The following LONP2 variants were observed in gnomAD, a reference collection of about 807,000 sequenced individuals.
The protein encoded by LONP2 is lon peptidase 2, peroxisomal.
Under a neutral mutation model 85.6 loss-of-function variants are expected in LONP2, and 60 were observed. The ratio of observed to expected loss-of-function variants is 0.70; its 90% CI spans 0.57 to 0.87. The LOEUF (loss-of-function observed/expected upper bound fraction) is 0.87. LONP2 is among the 40% of genes least tolerant of loss of function. The pLI is 0.00. For synonymous variants in LONP2, 395 were observed against 389.7 expected (o/e 1.01, Z -0.16); for missense variants, 860 against 1,063.5 (o/e 0.81, Z 2.66).
chr16:48,245,209 G>A (rs181553213), intron 1 of LONP2, among the ~76,000 whole-genome samples: 135 of 151,974 alleles, frequency 8.9e-4, no homozygotes, highest in Non-Finnish European at 1.4e-3. Flanking sequence ...CTTTGTAAAG[G>A]GCCTTTACTG....
chr16:48,322,733 A>AT (rs112153697), intron 11 of LONP2, among the ~76,000 whole-genome samples: 2 of 152,056 alleles, frequency 1.3e-5, no homozygotes, highest in African/African-American at 4.8e-5. Flanking sequence ...AGAATAAAAA[A>AT]TTTTTTTTAA....
intron 1 of LONP2, among the ~76,000 whole-genome samples, chr16:48,248,315 G>A (rs1280802657): frequency 2.7e-5 from 4 of 149,236 alleles, no homozygotes; most frequent in East Asian, 2.0e-4. Context: ...TGGTGGAGAC[G>A]GGGTTTTGCC....
rs759718058 is a variant in LONP2 at position 48,258,629 on chromosome 16, T to C, written c.612T>C (p.Ala204=). Residue 204 remains alanine (A), a synonymous_variant, in exon 4 of 15, where the codon GCT becomes GCC. Transcript: ENST00000285737. ...SNKEKLQILD[A]VSLEERFKMT... Reference sequence around the variant, plus strand: ...TCACATTTCCTTAGATTTTAGATGCTGTGAGCCTAGAGGAGCGGTTCAAGA... The same window carrying C: ...TCACATTTCCTTAGATTTTAGATGCCGTGAGCCTAGAGGAGCGGTTCAAGA... The C allele has an allele frequency of 1.6e-5, 26 of 1,598,152 alleles. No homozygotes were observed. Among genetic ancestry groups the C allele is most frequent in the East Asian group, 6.8e-5 (3 of 44,190 alleles).
intron 8 of LONP2, among the ~76,000 whole-genome samples, chr16:48,280,840 C>T (rs1256577476): frequency 6.6e-6 from 1 of 152,140 alleles, no homozygotes; most frequent in African/African-American, 2.4e-5. Context: ...CATATTAAAG[C>T]ACTCTATAAA....
chr16:48,285,810 A>G (rs1212520939), intron 8 of LONP2, among the ~76,000 whole-genome samples: 1 of 152,156 alleles, frequency 6.6e-6, no homozygotes, highest in East Asian at 1.9e-4. Flanking sequence ...TAACAGAAAA[A>G]GTCCCATTTT....
chr16:48,244,402 G>T lies in LONP2; in HGVS notation c.14G>T (p.Ser5Ile). ...AAGGCTGCCAGCATGTCATCAGTGA[G>T]CCCCATCCAGATCCCCAGTCGCCTC... MSSV[S>I]PIQIPSRLPL... The change falls in exon 1 of 15, where the codon AGC becomes ATC. Residue 5 changes from serine to isoleucine, a missense_variant. This residue lies in a region of LONP2 where 743 missense variants were observed against 917.3 expected (regional missense o/e 0.81). Coordinates refer to ENST00000285737, the MANE Select transcript of LONP2 (RefSeq NM_031490.5). 1.3e-6 allele frequency: 2 copies of T among 1,567,456 alleles called. No homozygotes were observed.
chr16:48,301,561 G>C (rs1474688436), intron 10 of LONP2, among the ~76,000 whole-genome samples: 1 of 152,040 alleles, frequency 6.6e-6, no homozygotes, highest in Non-Finnish European at 1.5e-5. Context: ...CTTGAACCAG[G>C]GAGGTGGAGG....
intron 7 of LONP2, among the ~76,000 whole-genome samples, chr16:48,276,000 T>A (rs1267986528): frequency 6.6e-6 from 1 of 152,172 alleles, no homozygotes; most frequent in African/African-American, 2.4e-5. Flanking sequence ...CAGCAAAAAA[T>A]GACCCATTAG....
At chr16:48,291,804 C>T (rs759914469) in intron 8 of LONP2, among the ~76,000 whole-genome samples, 3 of 152,148 alleles carry the variant, frequency 2.0e-5, no homozygotes, top group African/African-American at 7.2e-5. Context: ...GTAGTGATTA[C>T]CAGAAATTAT....
chr16:48,273,898 A>G (rs1972153435), intron 7 of LONP2, among the ~76,000 whole-genome samples: 1 of 152,184 alleles, frequency 6.6e-6, no homozygotes. Flanking sequence ...TCAACTTTCA[A>G]ACAAGATGAG....
intron 7 of LONP2, among the ~76,000 whole-genome samples, chr16:48,270,776 T>C (rs914198244): frequency 6.6e-6 from 1 of 152,098 alleles, no homozygotes. Context: ...GCATAATTAT[T>C]AAGGCTTATT....
chr16:48,254,566 T>C (rs983009961), intron 2 of LONP2, among the ~76,000 whole-genome samples: 5 of 152,090 alleles, frequency 3.3e-5, no homozygotes, highest in Non-Finnish European at 7.4e-5. Context: ...GGTTTCACCA[T>C]GTTGGCCAGG....
At chr16:48,361,955 T>A (rs1304182008), downstream of LONP2, 2 of 1,614,148 alleles carry the variant, frequency 1.2e-6, no homozygotes, top group Non-Finnish European at 1.7e-6. Context: ...CCTCTCCCTG[T>A]AGGGTTGTAA....
chr16:48,298,626 G>GGTGTGTGTGTGTGTGTGT (rs3138605), intron 9 of LONP2, among the ~76,000 whole-genome samples: 11 of 134,396 alleles, frequency 8.2e-5, no homozygotes, highest in Non-Finnish European at 1.1e-4. Context: ...ATTTAATTGA[G>GGTGTGTGTGTGTGTGTGT]GTGTGTGTGT....
Position 48,354,552 on chromosome 16 carries a change from T to G in LONP2, c.*2750T>G, listed in dbSNP as rs1446150073. The G allele has an allele frequency of 6.6e-6, 1 of 152,292 alleles. No homozygotes were observed. The highest frequency in any genetic ancestry group is 1.5e-5 in the Non-Finnish European group (1 of 68,158). 9.4% of individuals were successfully genotyped at this position (152,292 alleles called of 1,614,324 possible). On this transcript the variant is annotated 3_prime_UTR_variant, in exon 15 of 15. Coordinates refer to ENST00000285737, the MANE Select transcript of LONP2 (RefSeq NM_031490.5). ...CCACAAACTGAAACTCTGTACCCACTGAAAAAGAGCTCCAAATTCCACCCT... is the reference window on the plus strand; with the variant it reads ...CCACAAACTGAAACTCTGTACCCACGGAAAAAGAGCTCCAAATTCCACCCT...
Position 48,278,165 on chromosome 16 carries a change from C to G in LONP2, c.1383+686C>G, listed in dbSNP as rs188875779. On this transcript the variant is annotated intron_variant, in intron 8 of 14. Transcript: ENST00000285737. Reference sequence around the variant, plus strand: ...TTTTCCTGTTCCTATTTTTGTTTTTCTCTACTTTTTAAGAATATTTTCAGA... The same window carrying G: ...TTTTCCTGTTCCTATTTTTGTTTTTGTCTACTTTTTAAGAATATTTTCAGA... Among the ~76,000 whole-genome samples the G allele has an allele frequency of 6.1e-4, 92 of 152,036 alleles. 1 individual carries two copies. Among genetic ancestry groups the G allele is most frequent in the Admixed American group, 4.8e-3 (73 of 15,270 alleles).
At chr16:48,251,161 A>G (rs913527444) in intron 1 of LONP2, among the ~76,000 whole-genome samples, 2 of 152,212 alleles carry the variant, frequency 1.3e-5, no homozygotes, top group Admixed American at 6.5e-5. Context: ...ACTGTATTAC[A>G]TGATTTATTA....
intron 11 of LONP2, among the ~76,000 whole-genome samples, chr16:48,313,027 T>C (rs1973067522): frequency 1.3e-5 from 2 of 152,164 alleles, no homozygotes; most frequent in South Asian, 4.1e-4. Context: ...GCCTCATACA[T>C]TGTTTCAAGA....
chr16:48,306,789 C>T (rs1306950648), intron 11 of LONP2, among the ~76,000 whole-genome samples: 1 of 151,956 alleles, frequency 6.6e-6, no homozygotes, highest in Non-Finnish European at 1.5e-5. Flanking sequence ...TCAAATGGAG[C>T]TTAGTAATGA....
Sources: allele counts gnomAD v4.1 joint callset (sites outside exome capture counted in the v4.1 genomes callset), GRCh38; gene constraint gnomAD v4.1.1; regional missense constraint gnomAD v4.1.1; transcripts MANE v1.5; gene names NCBI Gene and HGNC (gene_info 2026-07-23, HGNC 2026-07-21).